The following BLK variants were observed in gnomAD, a reference collection of about 807,000 sequenced individuals.
BLK encodes the protein BLK proto-oncogene, Src family tyrosine kinase.
A neutral mutation model predicts 61.8 loss-of-function variants in BLK; 64 were observed. The ratio of observed to expected loss-of-function variants is 1.03; its 90% CI spans 0.85 to 1.27. The LOEUF is 1.27. Ranked by LOEUF, BLK falls within the 50% of genes most tolerant of loss-of-function variation. BLK has a pLI of 0.00. For missense variants in BLK, 853 were observed against 660.5 expected (o/e 1.29, Z -3.19); for synonymous variants, 351 against 272.0 (o/e 1.29, Z -2.86).
chr8:11,526,048 C>T (rs1470909642), intron 1 of BLK, among the ~76,000 whole-genome samples: 2 of 152,198 alleles, frequency 1.3e-5, no homozygotes, highest in Non-Finnish European at 2.9e-5. Context: ...GCTGGGATTA[C>T]AGGTGTGAGC....
chr8:11,532,623 A>T (rs1433868192), intron 1 of BLK, among the ~76,000 whole-genome samples: 3 of 151,960 alleles, frequency 2.0e-5, no homozygotes. Flanking sequence ...TCAGTTATAT[A>T]TTTGAACCAG....
intron 2 of BLK, among the ~76,000 whole-genome samples, chr8:11,543,894 C>T (rs1276997730): frequency 6.6e-6 from 1 of 152,036 alleles, no homozygotes; most frequent in Non-Finnish European, 1.5e-5. Context: ...ATGCATTTTC[C>T]TAGTCATGCA....
chr8:11,505,481 G>C (rs1798734650), intron 1 of BLK, among the ~76,000 whole-genome samples: 2 of 152,148 alleles, frequency 1.3e-5, no homozygotes, highest in African/African-American at 4.8e-5. Context: ...CCTCTGGCCG[G>C]TGTCCCTGAG....
intron 8 of BLK, chr8:11,555,818 A>C (rs1054764167): frequency 5.1e-6 from 2 of 392,368 alleles, no homozygotes; most frequent in Non-Finnish European, 4.9e-6. Context: ...CATCACCCAG[A>C]TGGAAACAGG....
At chr8:11,545,565 T>C (rs1800595872) in intron 2 of BLK, among the ~76,000 whole-genome samples, 1 of 152,116 alleles carries the variant, frequency 6.6e-6, no homozygotes, top group African/African-American at 2.4e-5. Flanking sequence ...AAATTGTTTA[T>C]GTATTATGAT....
chr8:11,523,478 C>T (rs1156958969), intron 1 of BLK, among the ~76,000 whole-genome samples: 3 of 151,976 alleles, frequency 2.0e-5, no homozygotes, highest in African/African-American at 4.8e-5. Context: ...ACTTGAACCC[C>T]GGAGAAGGAG....
rs1801305324 is a variant in BLK, at chr8:11,557,838, G to C, written c.953-124G>C. 3 of 776,102 alleles carry C rather than the reference G, an allele frequency of 3.9e-6. No homozygotes were observed. The African/African-American group carries it at 5.1e-5, about 13-fold the overall frequency. The allele number at this position is 776,102 out of a possible 1,614,324, so 48.1% of individuals were successfully genotyped here. On this transcript the variant is annotated intron_variant, in intron 9 of 12. Transcript: ENST00000259089. ...AGGTAGATCCTTCCTGATGCACCGA[G>C]AGATCTGAGGGTGCAAACTCCCACT... is the stretch of plus-strand genomic sequence containing the variant.
At chr8:11,518,668 T>C (rs1401250892) in intron 1 of BLK, among the ~76,000 whole-genome samples, 1 of 152,136 alleles carries the variant, frequency 6.6e-6, no homozygotes, top group Admixed American at 6.5e-5. Flanking sequence ...ACAGCTGCAG[T>C]GATCCCTTTA....
intron 1 of BLK, among the ~76,000 whole-genome samples, chr8:11,524,918 C>G (rs76027538): frequency 7.8e-6 from 1 of 128,042 alleles, no homozygotes; most frequent in Non-Finnish European, 1.7e-5. Flanking sequence ...TGCTTTTTTA[C>G]AAAAAAAAAA....
chr8:11,520,485 A>G (rs1799403368), intron 1 of BLK, among the ~76,000 whole-genome samples: 3 of 140,074 alleles, frequency 2.1e-5, no homozygotes, highest in African/African-American at 8.6e-5. Context: ...TCAAAAAAAA[A>G]AAAAAAAAAA....
intron 8 of BLK, 164 bp downstream of exon 8, chr8:11,555,648 G>A: frequency 2.7e-6 from 3 of 1,129,716 alleles, no homozygotes; most frequent in Admixed American, 2.0e-5. Context: ...GGAAGTGGAG[G>A]TGCAGAGCCG....
At chr8:11,521,853 G>C (rs529145449) in intron 1 of BLK, among the ~76,000 whole-genome samples, 1 of 152,184 alleles carries the variant, frequency 6.6e-6, no homozygotes, top group Admixed American at 6.5e-5. Context: ...TCTAGGAGGG[G>C]ACTCCTCTCT....
chr8:11,563,795 C>T (rs909777054), intron 12 of BLK, 108 bp from the exon 13 acceptor site: 9 of 1,064,738 alleles, frequency 8.5e-6, no homozygotes, highest in Non-Finnish European at 1.2e-5. Flanking sequence ...GGACTGTGGG[C>T]ACTGCTGTCC....
intron 8 of BLK, chr8:11,556,321 G>T (rs1476014936): frequency 2.6e-6 from 1 of 381,054 alleles, no homozygotes; most frequent in Non-Finnish European, 5.0e-6. Context: ...TTCCACCAAG[G>T]AGTTATTGTG....
At chr8:11,509,584 G>A (rs1235020713) in intron 1 of BLK, 1 of 152,132 alleles carries the variant, frequency 6.6e-6, no homozygotes, top group African/African-American at 2.4e-5. Context: ...GTCTAAGCCT[G>A]GGGGTGCTCT....
chr8:11,520,122 A>T (rs181409523), intron 1 of BLK, among the ~76,000 whole-genome samples: 12 of 152,328 alleles, frequency 7.9e-5, no homozygotes, highest in Admixed American at 7.8e-4. Context: ...TATTTCAATC[A>T]AACATGATGT....
intron 1 of BLK, among the ~76,000 whole-genome samples, chr8:11,505,579 T>C (rs1483096040): frequency 1.3e-5 from 2 of 152,222 alleles, no homozygotes; most frequent in African/African-American, 2.4e-5. Context: ...CTCCCCCTTC[T>C]AGACTGGGCA....
chr8:11,558,097 G>A, intron 10 of BLK, 59 bp downstream of exon 10: 1 of 1,535,008 alleles, frequency 6.5e-7, no homozygotes. Flanking sequence ...GCCCACAATG[G>A]CTGCTCGTGC....
At chr8:11,515,790 T>C (rs1395121579) in intron 1 of BLK, among the ~76,000 whole-genome samples, 4 of 152,244 alleles carry the variant, frequency 2.6e-5, no homozygotes, top group Non-Finnish European at 5.9e-5. Flanking sequence ...GCAGTCTGTG[T>C]TCTTCAGAAC....
Sources: allele counts gnomAD v4.1 joint callset (sites outside exome capture counted in the v4.1 genomes callset), GRCh38; gene constraint gnomAD v4.1.1; transcripts MANE v1.5; gene names NCBI Gene and HGNC (gene_info 2026-07-23, HGNC 2026-07-21).